The following LINGO2 variants were observed in gnomAD, a reference collection of about 807,000 sequenced individuals.
LINGO2 encodes leucine-rich repeat and immunoglobulin-like domain-containing nogo receptor-interacting protein 2.
In LINGO2, 14 loss-of-function variants were observed where a neutral mutation model predicts 30.6. The observed-to-expected ratio is 0.46, with a 90% CI of 0.30 to 0.72. The LOEUF is 0.72. Ranked by LOEUF, LINGO2 falls within the 30% of genes least tolerant of loss-of-function variation. The pLI is 0.07. For synonymous variants in LINGO2, 317 were observed against 288.5 expected, an observed-to-expected ratio of 1.10 and a Z score of -1.00; for missense variants, 729 against 751.7, an observed-to-expected ratio of 0.97 and a Z score of 0.35.
At chr9:29,144,958 G>T in the LINGO2 span, among the ~76,000 whole-genome samples, 5 of 152,218 alleles carry the variant, frequency 3.3e-5, no homozygotes, top group South Asian at 1.0e-3. Context: ...GGCTTACCAA[G>T]TTTTGGATAC....
At chr9:28,153,480 C>T (rs1196392714) in intron 4 of LINGO2, among the ~76,000 whole-genome samples, 4 of 152,118 alleles carry the variant, frequency 2.6e-5, no homozygotes, top group African/African-American at 9.7e-5. Context: ...ATGTTCAGTA[C>T]ACTTCTTCCA....
chr9:28,284,453 T>C (rs564241755), intron 4 of LINGO2, among the ~76,000 whole-genome samples: 48 of 152,218 alleles, frequency 3.2e-4, no homozygotes, highest in Non-Finnish European at 5.1e-4. Flanking sequence ...CTTCTCCTAA[T>C]ATGGTTTTAG....
At chr9:28,567,417 G>A (rs1452119306) in intron 1 of LINGO2, among the ~76,000 whole-genome samples, 1 of 151,892 alleles carries the variant, frequency 6.6e-6, no homozygotes, top group African/African-American at 2.4e-5. Context: ...ACAGTGGGCT[G>A]GATTAAACAA....
chr9:28,485,330 A>G (rs1199537031), intron 1 of LINGO2, among the ~76,000 whole-genome samples: 3 of 152,106 alleles, frequency 2.0e-5, no homozygotes, highest in Admixed American at 6.6e-5. Context: ...GGCACTCCGG[A>G]TGATACAAAG....
intron 4 of LINGO2, among the ~76,000 whole-genome samples, chr9:28,281,896 T>C (rs1452545622): frequency 1.3e-5 from 2 of 152,136 alleles, no homozygotes; most frequent in African/African-American, 4.8e-5. Context: ...GTGGAAATGC[T>C]TGCTTGAACC....
the LINGO2 span, among the ~76,000 whole-genome samples, chr9:29,091,601 T>G: frequency 0.16 from 25,049 of 151,914 alleles, 2,184 homozygotes; most frequent in East Asian, 0.34. Context: ...CCTTTGCAGT[T>G]CATGAAGTGA....
chr9:28,032,817 C>G (rs1342533705), intron 4 of LINGO2, among the ~76,000 whole-genome samples: 2 of 152,124 alleles, frequency 1.3e-5, no homozygotes, highest in African/African-American at 4.8e-5. Flanking sequence ...TGGTTTGGGT[C>G]TAGTAGATGG....
chr9:28,246,755 G>A (rs62555373), intron 4 of LINGO2, among the ~76,000 whole-genome samples: 20,066 of 152,126 alleles, frequency 0.13, 1,563 homozygotes, highest in African/African-American at 0.22. Flanking sequence ...TGGCAAATGG[G>A]TTCTAATTAA....
At chr9:28,192,240 A>T (rs1819848038) in intron 4 of LINGO2, among the ~76,000 whole-genome samples, 1 of 152,032 alleles carries the variant, frequency 6.6e-6, no homozygotes, top group South Asian at 2.1e-4. Flanking sequence ...CATAGTCACA[A>T]ATATATATAC....
intron 1 of LINGO2, among the ~76,000 whole-genome samples, chr9:28,519,479 A>C (rs1011894861): frequency 6.6e-6 from 1 of 152,206 alleles, no homozygotes; most frequent in Admixed American, 6.5e-5. Context: ...TATAGCTTTT[A>C]GATGTTAAAG....
chr9:28,404,030 C>G (rs1822387850), intron 2 of LINGO2, among the ~76,000 whole-genome samples: 1 of 152,022 alleles, frequency 6.6e-6, no homozygotes, highest in Admixed American at 6.6e-5. Context: ...CGCCCACAAC[C>G]TGACCCAATA....
At chr9:27,952,359 G>A (rs1819357366) in intron 5 of LINGO2, among the ~76,000 whole-genome samples, 1 of 152,032 alleles carries the variant, frequency 6.6e-6, no homozygotes, top group Non-Finnish European at 1.5e-5. Flanking sequence ...GATGTACTAT[G>A]TAGAGAGATT....
chr9:28,571,236 A>G (rs1823674815), intron 1 of LINGO2, among the ~76,000 whole-genome samples: 1 of 152,022 alleles, frequency 6.6e-6, no homozygotes, highest in Admixed American at 6.6e-5. Context: ...CCTTATATGT[A>G]AACCAGAACA....
intron 1 of LINGO2, among the ~76,000 whole-genome samples, chr9:28,665,179 T>C (rs1385734953): frequency 6.6e-6 from 1 of 151,750 alleles, no homozygotes; most frequent in African/African-American, 2.4e-5. Context: ...CTGACATTTA[T>C]CAAGAGTGTT....
chr9:28,800,272 C>G, the LINGO2 span, among the ~76,000 whole-genome samples: 4 of 152,012 alleles, frequency 2.6e-5, no homozygotes, highest in Non-Finnish European at 5.9e-5. Context: ...GAGTTGAACT[C>G]GATTTTCTTT....
At chr9:28,312,698 T>A (rs1029201751) in intron 3 of LINGO2, among the ~76,000 whole-genome samples, 6 of 152,182 alleles carry the variant, frequency 3.9e-5, no homozygotes, top group Non-Finnish European at 8.8e-5. Flanking sequence ...ATTATTATAA[T>A]TCTGAGAAAA....
At chr9:28,880,451 C>G in the LINGO2 span, among the ~76,000 whole-genome samples, 1 of 152,132 alleles carries the variant, frequency 6.6e-6, no homozygotes, top group African/African-American at 2.4e-5. Flanking sequence ...TGTTTACAAG[C>G]AATATACTTG....
chr9:29,031,082 G>A, the LINGO2 span, among the ~76,000 whole-genome samples: 1 of 152,062 alleles, frequency 6.6e-6, no homozygotes, highest in African/African-American at 2.4e-5. Context: ...GAAAAACCAT[G>A]AATCCTGGTT....
intron 4 of LINGO2, among the ~76,000 whole-genome samples, chr9:28,126,553 G>A (rs1013783400): frequency 6.6e-6 from 1 of 152,198 alleles, no homozygotes; most frequent in Admixed American, 6.5e-5. Flanking sequence ...TGACATGTTT[G>A]AGATGGCATG....
Sources: allele counts gnomAD v4.1 joint callset (sites outside exome capture counted in the v4.1 genomes callset), GRCh38; gene constraint gnomAD v4.1.1; transcripts MANE v1.5; gene names NCBI Gene and HGNC (gene_info 2026-07-23, HGNC 2026-07-21).